The following KIRREL3 variants were observed in gnomAD, a reference collection of about 807,000 sequenced individuals.
The protein encoded by KIRREL3 is kin of IRRE-like protein 3.
A neutral mutation model predicts 89.7 loss-of-function variants in KIRREL3; 36 were observed. That is an observed-to-expected ratio of 0.40 (90% CI 0.31 to 0.53). The LOEUF (loss-of-function observed/expected upper bound fraction) is 0.53, where lower values mean the gene tolerates loss of function less well. Among genes scored for constraint, KIRREL3 ranks in the 20% least tolerant of loss-of-function variants. The probability of loss-of-function intolerance (pLI) is 0.49; values close to 1 mark genes in which losing one functional copy is unlikely to be tolerated. For synonymous variants in KIRREL3, 445 were observed against 441.4 expected, an observed-to-expected ratio of 1.01 and a Z score of -0.10; for missense variants, 864 against 1,056.6, an observed-to-expected ratio of 0.82 and a Z score of 2.53.
chr11:126,712,121 G>A (rs1373717211), intron 1 of KIRREL3, among the ~76,000 whole-genome samples: 2 of 152,238 alleles, frequency 1.3e-5, no homozygotes, highest in African/African-American at 4.8e-5. Flanking sequence ...ACAGCGCGCA[G>A]CGACTTTCCT....
At position 126,734,456 on chromosome 11, in the gene KIRREL3, G is replaced by T. The variant is rs1165967040; in HGVS notation, c.56-171544C>A. ...AGGTGGGTGGATCACCTGAGGTCAG[G>T]AGTTCGAGACCAGCCTGACCAACAT... On this transcript the variant is annotated intron_variant, in intron 1 of 16. Coordinates refer to ENST00000525144, the MANE Select transcript of KIRREL3 (RefSeq NM_032531.4). The surrounding 1 kb of genome is among the most constrained non-coding windows in gnomAD (Gnocchi z 5.9). Among the ~76,000 whole-genome samples the T allele has an allele frequency of 1.3e-5, 2 of 152,122 alleles. No homozygotes were observed. The highest frequency in any genetic ancestry group is 4.8e-5 in the African/African-American group (2 of 41,408).
rs1266820073 is a variant in KIRREL3, at chr11:126,750,506, A to G, written c.56-187594T>C. ...CTTAAGAATGTAGTATGAACTTATC[A>G]GTGAATGTAGCAGCTAGGCTTTTCT... is the stretch of plus-strand genomic sequence containing the variant. On this transcript the variant is annotated intron_variant, in intron 1 of 16. Coordinates refer to ENST00000525144, the MANE Select transcript of KIRREL3 (RefSeq NM_032531.4). The surrounding 1 kb of genome is among the most constrained non-coding windows in gnomAD (Gnocchi z 4.2). 1.3e-5 allele frequency among the ~76,000 whole-genome samples: 2 copies of G among 152,212 alleles called. No homozygotes were observed. The highest frequency in any genetic ancestry group is 1.5e-5 in the Non-Finnish European group (1 of 68,040).
In KIRREL3 at chr11:126,791,647, C is replaced by T. The variant is rs1290621820; in HGVS notation, c.55+208808G>A. 6.6e-6 allele frequency among the ~76,000 whole-genome samples: 1 copy of T among 152,200 alleles called. No homozygotes were observed. The highest frequency in any genetic ancestry group is 1.9e-4 in the East Asian group (1 of 5,192). ...AGCCCATAGCCAGGGGTCAGCCATC[C>T]AGGCCACAGGGTCCAGGGGCCCAGA... On this transcript the variant is annotated intron_variant, in intron 1 of 16. Coordinates refer to ENST00000525144, the MANE Select transcript of KIRREL3 (RefSeq NM_032531.4). The surrounding 1 kb of genome is among the most constrained non-coding windows in gnomAD (Gnocchi z 4.8).
intron 9 of KIRREL3, among the ~76,000 whole-genome samples, chr11:126,446,290 C>CTT: frequency 8.0e-6 from 1 of 125,122 alleles, no homozygotes; most frequent in East Asian, 4.0e-4. Flanking sequence ...TTTCTCCTTT[C>CTT]TTTCTTTCTT....
Position 126,608,887 on chromosome 11 carries a change from GA to G in KIRREL3, c.56-45976del, listed in dbSNP as rs1311829084. 1.6e-4 allele frequency among the ~76,000 whole-genome samples: 25 copies of G among 152,328 alleles called. No individual in the cohort carries two copies. In the East Asian group the frequency reaches 4.6e-3, roughly 28 times the overall value. ...CTATGTCCAGGACAGGAGGGGAGGG[GA>G]TGGAGAAGCAGCTCTGGAGCCCAGC... On this transcript the variant is annotated intron_variant, in intron 1 of 16. Transcript: ENST00000525144. The surrounding 1 kb of genome is among the most constrained non-coding windows in gnomAD (Gnocchi z 4.9).
chr11:126,793,498 G>A (rs1950709813), intron 1 of KIRREL3, among the ~76,000 whole-genome samples: 1 of 152,156 alleles, frequency 6.6e-6, no homozygotes, highest in Non-Finnish European at 1.5e-5. Flanking sequence ...GATAACAGGT[G>A]CACCAGCCCA....
chr11:126,836,864 C>G lies in KIRREL3; in HGVS notation c.55+163591G>C, dbSNP rs536157903. 4.6e-5 allele frequency among the ~76,000 whole-genome samples: 7 copies of G among 152,280 alleles called. No homozygotes were observed. In the South Asian group the frequency reaches 1.2e-3, roughly 27 times the overall value. On this transcript the variant is annotated intron_variant, in intron 1 of 16. Coordinates refer to ENST00000525144, the MANE Select transcript of KIRREL3 (RefSeq NM_032531.4). ...ACAGATGTTCGCATGACATCCTGTGCCTGACTCTGCTGTAGCTCTTCTTAC... is the reference window on the plus strand; with the variant it reads ...ACAGATGTTCGCATGACATCCTGTGGCTGACTCTGCTGTAGCTCTTCTTAC...
rs1323062707 is a variant in KIRREL3, at chr11:126,769,135, T to C, written c.56-206223A>G. On this transcript the variant is annotated intron_variant, in intron 1 of 16. Coordinates refer to ENST00000525144, the MANE Select transcript of KIRREL3 (RefSeq NM_032531.4). This position sits in a 1 kb window ranked among gnomAD's most constrained non-coding sequence, Gnocchi z 4.3. ...CAGGTATCTCTTCCTCTGTGAGGCT[T>C]CCCCTCTTCCCACAGGTCCCATCTC... 6.6e-6 allele frequency among the ~76,000 whole-genome samples: 1 copy of C among 152,154 alleles called. No individual in the cohort carries two copies. Among genetic ancestry groups the C allele is most frequent in the Non-Finnish European group, 1.5e-5 (1 of 68,018 alleles).
chr11:126,910,186 G>A (rs1347946026), intron 1 of KIRREL3, among the ~76,000 whole-genome samples: 3 of 152,078 alleles, frequency 2.0e-5, no homozygotes, highest in Non-Finnish European at 4.4e-5. Flanking sequence ...GCTTTGAAAA[G>A]ACTAATCTCA....
chr11:126,859,736 C>G (rs1328019851), intron 1 of KIRREL3, among the ~76,000 whole-genome samples: 1 of 152,192 alleles, frequency 6.6e-6, no homozygotes, highest in Non-Finnish European at 1.5e-5. Context: ...TCTTCCTCTT[C>G]TTCTTGGAAG....
chr11:126,798,360 G>A (rs1023881315), intron 1 of KIRREL3, among the ~76,000 whole-genome samples: 1 of 36,726 alleles, frequency 2.7e-5, no homozygotes, highest in African/African-American at 1.2e-4. Flanking sequence ...GGTGCCTCCT[G>A]TGATTCTTGT....
chr11:126,491,963 A>C lies in KIRREL3; in HGVS notation c.434-18497T>G, dbSNP rs1404029912. On this transcript the variant is annotated intron_variant, in intron 4 of 16. Transcript: ENST00000525144. The surrounding 1 kb of genome is among the most constrained non-coding windows in gnomAD (Gnocchi z 5.5). ...GTGATCCTCCCGCATCAGCTTCCCA[A>C]AGTGCTAGGATTACAGGTGTGAGCC... Among the ~76,000 whole-genome samples the C allele has an allele frequency of 6.6e-6, 1 of 152,192 alleles. No homozygotes were observed. Among genetic ancestry groups the C allele is most frequent in the South Asian group, 2.1e-4 (1 of 4,818 alleles).
chr11:126,748,555 T>C lies in KIRREL3; in HGVS notation c.56-185643A>G, dbSNP rs1443913883. Reference sequence around the variant, plus strand: ...GTTCAAGTGCTTAGGCAGGGACCATTAATATTGTTGAAGGGCAAGGGCGGG... The same window carrying C: ...GTTCAAGTGCTTAGGCAGGGACCATCAATATTGTTGAAGGGCAAGGGCGGG... On this transcript the variant is annotated intron_variant, in intron 1 of 16. Coordinates refer to ENST00000525144, the MANE Select transcript of KIRREL3 (RefSeq NM_032531.4). This position sits in a 1 kb window ranked among gnomAD's most constrained non-coding sequence, Gnocchi z 4.6. Among the ~76,000 whole-genome samples the C allele has an allele frequency of 1.3e-5, 2 of 152,068 alleles. No individual in the cohort carries two copies. Among genetic ancestry groups the C allele is most frequent in the Non-Finnish European group, 2.9e-5 (2 of 68,010 alleles).
chr11:126,923,199 T>TTTTCTTCTTCTTC lies in KIRREL3; in HGVS notation c.55+77255_55+77256insGAAGAAGAAGAAA, dbSNP rs1947476263. On this transcript the variant is annotated intron_variant, in intron 1 of 16. Transcript: ENST00000525144. ...TTCTCTTCTTCTTCTCTTCTTCTTCTTCTTCTTCTTCTTCTTCTTCTTCTT... is the reference window on the plus strand; with the variant it reads ...TTCTCTTCTTCTTCTCTTCTTCTTCTTTTCTTCTTCTTCTCTTCTTCTTCTTCTTCTTCTTCTT... Among the ~76,000 whole-genome samples, 5 of 9,126 alleles carry TTTTCTTCTTCTTC rather than the reference T, an allele frequency of 5.5e-4. 2 individuals carry two copies. The highest frequency in any genetic ancestry group is 8.9e-4 in the Non-Finnish European group (5 of 5,624). The allele number at this position is 9,126 out of a possible 152,430, so 6.0% of individuals were successfully genotyped here.
At position 126,564,222 on chromosome 11, in the gene KIRREL3, CCAGT is replaced by C. The variant is rs1940345660; in HGVS notation, c.56-1314_56-1311del. ...ACACCGACTGCCTCCCTGAACCCAG[CCAGT>C]CAGTGTCTAGGCTCAAGAGGATAGA... is the stretch of plus-strand genomic sequence containing the variant. On this transcript the variant is annotated intron_variant, in intron 1 of 16. Transcript: ENST00000525144. The surrounding 1 kb of genome is among the most constrained non-coding windows in gnomAD (Gnocchi z 7.4). 6.6e-6 allele frequency among the ~76,000 whole-genome samples: 1 copy of C among 152,222 alleles called. No individual in the cohort carries two copies. The highest frequency in any genetic ancestry group is 6.5e-5 in the Admixed American group (1 of 15,292).
chr11:126,518,058 CCT>C (rs1204672022), intron 4 of KIRREL3, among the ~76,000 whole-genome samples: 2 of 152,220 alleles, frequency 1.3e-5, no homozygotes, highest in Non-Finnish European at 2.9e-5. Context: ...CCAGTCTTTG[CCT>C]CTCTCAGCTT....
chr11:126,537,585 G>A lies in KIRREL3; in HGVS notation c.134-10898C>T, dbSNP rs377220022. On this transcript the variant is annotated intron_variant, in intron 2 of 16. Coordinates refer to ENST00000525144, the MANE Select transcript of KIRREL3 (RefSeq NM_032531.4). This position sits in a 1 kb window ranked among gnomAD's most constrained non-coding sequence, Gnocchi z 4.3. Reference sequence around the variant, plus strand: ...GTACCTAACCGATGGGTCACCTGTCGGAGCCTGGGTCCTGGACAGTAGGAA... The same window carrying A: ...GTACCTAACCGATGGGTCACCTGTCAGAGCCTGGGTCCTGGACAGTAGGAA... Among the ~76,000 whole-genome samples the A allele has an allele frequency of 2.6e-5, 4 of 152,088 alleles. No individual in the cohort carries two copies. The highest frequency in any genetic ancestry group is 4.4e-5 in the Non-Finnish European group (3 of 68,018).
In KIRREL3 at chr11:127,000,604, C is replaced by T. The variant is rs1312922033; in HGVS notation, c.-95G>A. 7 of 1,335,752 alleles carry T rather than the reference C, an allele frequency of 5.2e-6. No homozygotes were observed. The highest frequency in any genetic ancestry group is 6.2e-6 in the Non-Finnish European group (6 of 962,078). 82.7% of individuals were successfully genotyped at this position (1,335,752 alleles called of 1,614,324 possible). A position where few individuals can be genotyped will look rare whatever the true frequency, so the allele number is the denominator to read the frequency against. On this transcript the variant is annotated 5_prime_UTR_variant, in exon 1 of 17. Coordinates refer to ENST00000525144, the MANE Select transcript of KIRREL3 (RefSeq NM_032531.4). This position sits in a 1 kb window ranked among gnomAD's most constrained non-coding sequence, Gnocchi z 7.1. ...TCGGTGCTCAGCCTCCGCCGGTCCT[C>T]TCGGGTTCGCGCCTACCATCTGTCC...
In KIRREL3 at chr11:126,694,866, C is replaced by T. The variant is rs1402529121; in HGVS notation, c.56-131954G>A. On this transcript the variant is annotated intron_variant, in intron 1 of 16. Transcript: ENST00000525144. The surrounding 1 kb of genome is among the most constrained non-coding windows in gnomAD (Gnocchi z 4.4). ...GGACTGGAAGAGACAGGTAAGTCCC[C>T]AACCTATCTTCATTTTCTTAACCTA... is the stretch of plus-strand genomic sequence containing the variant. 6.6e-6 allele frequency among the ~76,000 whole-genome samples: 1 copy of T among 152,150 alleles called. No homozygotes were observed. Among genetic ancestry groups the T allele is most frequent in the Non-Finnish European group, 1.5e-5 (1 of 68,016 alleles).
Sources: allele counts gnomAD v4.1 joint callset (sites outside exome capture counted in the v4.1 genomes callset), GRCh38; gene constraint gnomAD v4.1.1; non-coding constraint Gnocchi (gnomAD v3.1); transcripts MANE v1.5; gene names NCBI Gene and HGNC (gene_info 2026-07-23, HGNC 2026-07-21).